Variants in CFAP52 observed in about 807,000 individuals in gnomAD.
CFAP52 encodes cilia- and flagella-associated protein 52.
A neutral mutation model predicts 70.5 loss-of-function variants in CFAP52; 57 were observed. The observed-to-expected ratio is 0.81, with a 90% CI of 0.65 to 1.01. The LOEUF (loss-of-function observed/expected upper bound fraction) is 1.01, where lower values mean the gene tolerates loss of function less well. Among genes scored for constraint, CFAP52 ranks in the 50% least tolerant of loss-of-function variants. The probability of loss-of-function intolerance (pLI) is 0.00; values close to 1 mark genes in which losing one functional copy is unlikely to be tolerated. For missense variants in CFAP52, 785 were observed against 788.5 expected, an observed-to-expected ratio of 1.00 and a Z score of 0.05; for synonymous variants, 267 against 292.5, an observed-to-expected ratio of 0.91 and a Z score of 0.89.
chr17:9,632,927 C>G lies in CFAP52; in HGVS notation c.1214C>G (p.Thr405Arg), dbSNP rs536584900. 1.2e-6 allele frequency: 2 copies of G among 1,614,242 alleles called. No homozygotes were observed. Among genetic ancestry groups the G allele is most frequent in the Admixed American group, 3.3e-5 (2 of 60,026 alleles). ...AAAATCCGAGCCTTCGCCCCAGAGA[C>G]AGGCCGACTGATGTATGTCATTAAC... ...DGKIRAFAPE[T>R]GRLMYVINNA... is the part of the protein sequence containing the mutation. The change falls in exon 10 of 14, where the codon ACA becomes AGA. Residue 405 changes from threonine (T) to arginine (R), a missense_variant. By Grantham distance (71) the Thr-to-Arg change is moderately conservative (BLOSUM62 -1). Coordinates refer to ENST00000352665, the MANE Select transcript of CFAP52 (RefSeq NM_145054.5).
intron 8 of CFAP52, among the ~76,000 whole-genome samples, chr17:9,625,160 C>T (rs1910188928): frequency 6.6e-6 from 1 of 151,894 alleles, no homozygotes. Context: ...AGATTGACCC[C>T]ATGTAGCTGT....
chr17:9,643,161 G>A lies in CFAP52; in HGVS notation c.1826G>A (p.Gly609Glu). Residue 609 changes from glycine to glutamate, a missense_variant, in exon 14 of 14, where the codon GGA becomes GAA. By Grantham distance (98) the Gly-to-Glu change is moderately conservative (BLOSUM62 -2). Transcript: ENST00000352665. ...TATATTGTTAGTGTAAGTGCCGATG[G>A]AGCCATTTTGCGATGGAAGTACCCA... ...NQYIVSVSAD[G>E]AILRWKYPYT... The A allele has an allele frequency of 2.5e-6, 4 of 1,612,576 alleles. No homozygotes were observed. The highest frequency in any genetic ancestry group is 3.4e-6 in the Non-Finnish European group (4 of 1,179,382).
At chr17:9,636,661 T>G (rs1159352174) in intron 11 of CFAP52, among the ~76,000 whole-genome samples, 1 of 151,784 alleles carries the variant, frequency 6.6e-6, no homozygotes, top group East Asian at 1.9e-4. Flanking sequence ...CGAGGATAAG[T>G]GCAAAGATGG....
chr17:9,606,310 G>A lies in CFAP52; in HGVS notation c.754-1809G>A, dbSNP rs112017923. ...AGGCAGGAGAATTGCTTCATCCCGG[G>A]AGTTCGTGGTTACAGTGAGCTGTGA... On this transcript the variant is annotated intron_variant, in intron 6 of 13. Transcript: ENST00000352665. 8.8e-3 allele frequency among the ~76,000 whole-genome samples: 1,341 copies of A among 152,172 alleles called. 20 individuals are homozygous for A. Among genetic ancestry groups the A allele is most frequent in the African/African-American group, 0.031 (1,279 of 41,508 alleles).
chr17:9,630,994 G>A (rs1012330168), intron 9 of CFAP52, among the ~76,000 whole-genome samples: 22 of 55,750 alleles, frequency 3.9e-4, no homozygotes, highest in Middle Eastern at 9.3e-3. Flanking sequence ...TCAAAAAAAA[G>A]AAAGAAAGAA....
At chr17:9,636,652 G>A (rs1316217176) in intron 11 of CFAP52, among the ~76,000 whole-genome samples, 2 of 152,030 alleles carry the variant, frequency 1.3e-5, no homozygotes, top group African/African-American at 2.4e-5. Context: ...TACGAGAGAC[G>A]AGGATAAGTG....
chr17:9,582,312 G>T (rs960427959), intron 1 of CFAP52, among the ~76,000 whole-genome samples: 1 of 152,160 alleles, frequency 6.6e-6, no homozygotes, highest in Non-Finnish European at 1.5e-5. Flanking sequence ...CAACACAGAT[G>T]CCTGGTACTG....
At chr17:9,612,925 G>C (rs892681449) in intron 8 of CFAP52, among the ~76,000 whole-genome samples, 2 of 151,942 alleles carry the variant, frequency 1.3e-5, no homozygotes, top group African/African-American at 4.8e-5. Context: ...TGAGATATTC[G>C]ACACTTTATT....
intron 4 of CFAP52, among the ~76,000 whole-genome samples, chr17:9,596,529 A>T (rs1245019317): frequency 2.0e-5 from 3 of 152,166 alleles, no homozygotes; most frequent in Non-Finnish European, 2.9e-5. Flanking sequence ...ATGAGTAAAT[A>T]CCGACCATGT....
intron 1 of CFAP52, among the ~76,000 whole-genome samples, chr17:9,585,176 C>T (rs1908397331): frequency 1.3e-5 from 2 of 152,190 alleles, no homozygotes; most frequent in Non-Finnish European, 2.9e-5. Flanking sequence ...GGACCAGCAT[C>T]AGCATCACTT....
Position 9,576,742 on chromosome 17 carries a change from T to C in CFAP52, c.47T>C (p.Leu16Pro). 1 of 1,612,710 alleles carries C rather than the reference T, an allele frequency of 6.2e-7. No homozygotes were observed. Among genetic ancestry groups the C allele is most frequent in the East Asian group, 2.2e-5 (1 of 44,714 alleles). ...GAGGCCCAAGTGGCGGAGCTGGAAC[T>C]TGACGCCGTGATCGGCTTCAATGGT... ...SPEAQVAELE[L>P]DAVIGFNGHV... Residue 16 changes from leucine to proline, a missense_variant, in exon 1 of 14, where the codon CTT becomes CCT. Leu to Pro is a moderately conservative substitution (Grantham distance 98, BLOSUM62 -3). Coordinates refer to ENST00000352665, the MANE Select transcript of CFAP52 (RefSeq NM_145054.5).
chr17:9,580,415 C>T lies in CFAP52; in HGVS notation c.70+3650C>T, dbSNP rs528715729. On this transcript the variant is annotated intron_variant, in intron 1 of 13. Coordinates refer to ENST00000352665, the MANE Select transcript of CFAP52 (RefSeq NM_145054.5). ...TAAAAATGCTATTAAAGTTCATGTG[C>T]GGTGGCTCACACCTGTAATCCCAGC... Among the ~76,000 whole-genome samples the T allele has an allele frequency of 4.0e-4, 60 of 151,640 alleles. 1 individual carries two copies. In the South Asian group the frequency reaches 0.011, roughly 28 times the overall value.
intron 7 of CFAP52, 54 bp from the exon 8 acceptor site, chr17:9,612,255 G>A (rs986860039): frequency 4.0e-5 from 63 of 1,589,028 alleles, no homozygotes; most frequent in East Asian, 3.4e-4. Context: ...CACATGATTC[G>A]TAACTACTTA....
Position 9,586,802 on chromosome 17 carries a change from C to T in CFAP52, c.375C>T (p.Tyr125=), listed in dbSNP as rs776839422. The stretch of plus-strand genomic sequence containing the variant: ...TGGCCTTTTCTCCAAATGATTTGTA[C>T]TTGGTATCACTAGGAGGCCCAGATG... ...EALAFSPNDL[Y]LVSLGGPDDG... The change falls in exon 3 of 14, where the codon TAC becomes TAT. Residue 125 remains tyrosine (Y), a synonymous_variant. Coordinates refer to ENST00000352665, the MANE Select transcript of CFAP52 (RefSeq NM_145054.5). The T allele has an allele frequency of 1.9e-6, 3 of 1,612,704 alleles. No homozygotes were observed. The highest frequency in any genetic ancestry group is 2.5e-6 in the Non-Finnish European group (3 of 1,179,584).
chr17:9,585,255 G>C (rs976888432), intron 1 of CFAP52, among the ~76,000 whole-genome samples: 3 of 152,128 alleles, frequency 2.0e-5, no homozygotes, highest in Admixed American at 2.0e-4. Context: ...CATTTTAACA[G>C]GATCCCTCAG....
Position 9,598,283 on chromosome 17 carries a change from C to A in CFAP52, c.586C>A (p.Pro196Thr). Reference sequence around the variant, plus strand: ...GGATCTTCCAAATAGAAAAATCTGGCCAACTGAGTGCCAAACAGGACAGTT... The same window carrying A: ...GGATCTTCCAAATAGAAAAATCTGGACAACTGAGTGCCAAACAGGACAGTT... ...ELDLPNRKIWPTECQTGQLKR... is the reference protein window; with the variant it reads ...ELDLPNRKIWTTECQTGQLKR... The change falls in exon 5 of 14, where the codon CCA (proline) becomes ACA (threonine). Residue 196 changes from proline (P) to threonine (T), a missense_variant. By Grantham distance (38) the Pro-to-Thr change is conservative. Coordinates refer to ENST00000352665, the MANE Select transcript of CFAP52 (RefSeq NM_145054.5). The A allele has an allele frequency of 6.2e-7, 1 of 1,612,886 alleles. No individual in the cohort carries two copies. Among genetic ancestry groups the A allele is most frequent in the Admixed American group, 1.7e-5 (1 of 59,924 alleles).
intron 4 of CFAP52, among the ~76,000 whole-genome samples, chr17:9,596,128 C>G (rs1278338888): frequency 1.4e-5 from 2 of 146,320 alleles, no homozygotes; most frequent in Admixed American, 6.9e-5. Context: ...GAGACAGACT[C>G]TCACACTGTT....
intron 6 of CFAP52, among the ~76,000 whole-genome samples, chr17:9,603,074 G>A (rs1033572325): frequency 2.0e-5 from 3 of 152,112 alleles, no homozygotes; most frequent in African/African-American, 4.8e-5. Flanking sequence ...GAAAACTAGT[G>A]GATTTTTTGT....
chr17:9,613,127 A>G (rs908385826), intron 8 of CFAP52, among the ~76,000 whole-genome samples: 8 of 151,884 alleles, frequency 5.3e-5, no homozygotes, highest in Non-Finnish European at 1.2e-4. Context: ...GACACGAAGT[A>G]TCTGTGGTAC....
Sources: allele counts gnomAD v4.1 joint callset (sites outside exome capture counted in the v4.1 genomes callset), GRCh38; gene constraint gnomAD v4.1.1; transcripts MANE v1.5; gene names NCBI Gene and HGNC (gene_info 2026-07-23, HGNC 2026-07-21).